CHRM3: variants seen among roughly 807,000 people sequenced by gnomAD.
CHRM3 encodes the protein cholinergic receptor muscarinic 3.
A neutral mutation model predicts 41.8 loss-of-function variants in CHRM3; 11 were observed. The ratio of observed to expected loss-of-function variants is 0.26; its 90% CI spans 0.17 to 0.44. The LOEUF is 0.44. Among genes scored for constraint, CHRM3 ranks in the 20% least tolerant of loss-of-function variants. The pLI is 1.00. For missense variants in CHRM3, 571 were observed against 745.4 expected (o/e 0.77, Z 2.72); for synonymous variants, 297 against 301.4 (o/e 0.99, Z 0.15).
At chr1:239,408,831 AGGCT>A (rs1421930240) in intron 1 of CHRM3, among the ~76,000 whole-genome samples, 1 of 149,718 alleles carries the variant, frequency 6.7e-6, no homozygotes, top group Non-Finnish European at 1.5e-5. Context: ...TGTGTTACCC[AGGCT>A]GGTCCTAAAC....
chr1:239,798,693 T>C (rs1363718437), intron 5 of CHRM3, among the ~76,000 whole-genome samples: 2 of 152,162 alleles, frequency 1.3e-5, no homozygotes, highest in Non-Finnish European at 2.9e-5. Context: ...CGGATTACTT[T>C]GTGACTCTTC....
chr1:239,492,617 A>G (rs1465519982), intron 1 of CHRM3, 92 bp from the exon 2 acceptor site: 1 of 152,068 alleles, frequency 6.6e-6, no homozygotes, highest in East Asian at 1.9e-4. Flanking sequence ...CTTCCCACAC[A>G]CTCAGCTGAG....
intron 5 of CHRM3, among the ~76,000 whole-genome samples, chr1:239,773,356 A>T (rs924460314): frequency 6.6e-6 from 1 of 152,256 alleles, no homozygotes; most frequent in Non-Finnish European, 1.5e-5. Context: ...ATACCCTATT[A>T]TTAATGACTT....
intron 5 of CHRM3, among the ~76,000 whole-genome samples, chr1:239,716,067 T>C (rs1662322052): frequency 6.6e-6 from 1 of 152,020 alleles, no homozygotes; most frequent in African/African-American, 2.4e-5. Context: ...GGGTTGAAAT[T>C]CTGGAGGAAA....
At chr1:239,648,180 C>G (rs1276839183) in intron 4 of CHRM3, among the ~76,000 whole-genome samples, 1 of 152,144 alleles carries the variant, frequency 6.6e-6, no homozygotes, top group East Asian at 1.9e-4. Context: ...CTATCCACCC[C>G]CAAGCTCATG....
At chr1:239,767,226 C>T (rs1163818109) in intron 5 of CHRM3, among the ~76,000 whole-genome samples, 1 of 152,028 alleles carries the variant, frequency 6.6e-6, no homozygotes, top group African/African-American at 2.4e-5. Context: ...ACTGTTTATA[C>T]ATGCCTAAGA....
In CHRM3 at chr1:239,631,951, G is replaced by C. The variant is rs190641537; in HGVS notation, c.-312-273G>C. Among the ~76,000 whole-genome samples, 362 of 152,276 alleles carry C rather than the reference G, an allele frequency of 2.4e-3. 2 individuals are homozygous for C. Among genetic ancestry groups the C allele is most frequent in the African/African-American group, 7.9e-3 (328 of 41,558 alleles). ...CTCCCTTCCTTGCAACTGGAGCTTAGGCAGGCAGGAGGTGAGGAGCTGTAG... is the reference window on the plus strand; with the variant it reads ...CTCCCTTCCTTGCAACTGGAGCTTACGCAGGCAGGAGGTGAGGAGCTGTAG... On this transcript the variant is annotated intron_variant, in intron 3 of 6. Transcript: ENST00000676153.
chr1:239,605,262 A>T (rs1666111032), intron 3 of CHRM3, among the ~76,000 whole-genome samples: 1 of 152,202 alleles, frequency 6.6e-6, no homozygotes. Flanking sequence ...GTTCCATAAG[A>T]TTATAACATG....
chr1:239,613,720 G>T (rs1347736432), intron 3 of CHRM3, among the ~76,000 whole-genome samples: 1 of 152,150 alleles, frequency 6.6e-6, no homozygotes, highest in Non-Finnish European at 1.5e-5. Flanking sequence ...CTGCATGTGT[G>T]TGTTTCTTAT....
intron 3 of CHRM3, among the ~76,000 whole-genome samples, chr1:239,616,938 A>G (rs1558380747): frequency 6.6e-6 from 1 of 151,768 alleles, no homozygotes; most frequent in Non-Finnish European, 1.5e-5. Flanking sequence ...GATGGTATAG[A>G]GTCTATGAAA....
intron 5 of CHRM3, among the ~76,000 whole-genome samples, chr1:239,773,267 C>T (rs1285884125): frequency 6.6e-6 from 1 of 152,054 alleles, no homozygotes; most frequent in Non-Finnish European, 1.5e-5. Flanking sequence ...CAAACCAAAG[C>T]TTTTTACATT....
At chr1:239,533,973 T>C (rs1334976128) in intron 2 of CHRM3, among the ~76,000 whole-genome samples, 1 of 151,164 alleles carries the variant, frequency 6.6e-6, no homozygotes, top group African/African-American at 2.5e-5. Flanking sequence ...GCTTAGCAGC[T>C]CTTGCTAGTT....
chr1:239,805,950 C>A (rs112831540), intron 5 of CHRM3, among the ~76,000 whole-genome samples: 3 of 152,096 alleles, frequency 2.0e-5, no homozygotes, highest in African/African-American at 7.2e-5. Context: ...AATTTCATTA[C>A]CACGTTAAAA....
chr1:239,637,649 C>T (rs1333862707), intron 4 of CHRM3, among the ~76,000 whole-genome samples: 15 of 149,274 alleles, frequency 1.0e-4, no homozygotes, highest in African/African-American at 2.9e-4. Flanking sequence ...CACACAACAC[C>T]GTGGGGTTGC....
chr1:239,412,240 C>CTT (rs535672964), intron 1 of CHRM3, among the ~76,000 whole-genome samples: 7 of 114,718 alleles, frequency 6.1e-5, no homozygotes, highest in East Asian at 5.8e-4. Flanking sequence ...CTTTCTTTTT[C>CTT]TTTTTTTTTT....
At chr1:239,688,759 A>T (rs909730730) in intron 5 of CHRM3, among the ~76,000 whole-genome samples, 1 of 137,534 alleles carries the variant, frequency 7.3e-6, no homozygotes, top group Non-Finnish European at 1.5e-5. Context: ...ATTATTCAAT[A>T]TAATATATAA....
intron 6 of CHRM3, among the ~76,000 whole-genome samples, chr1:239,890,293 G>A (rs1304085457): frequency 2.0e-5 from 3 of 151,434 alleles, no homozygotes; most frequent in Admixed American, 6.6e-5. Flanking sequence ...GTTGTGGTGA[G>A]CCGAAATCAT....
intron 4 of CHRM3, among the ~76,000 whole-genome samples, chr1:239,645,203 G>T (rs1444738518): frequency 6.6e-6 from 1 of 152,188 alleles, no homozygotes; most frequent in African/African-American, 2.4e-5. Context: ...CACCAGATGC[G>T]CTCAGCTATG....
At chr1:239,865,403 A>G (rs180706112) in intron 6 of CHRM3, among the ~76,000 whole-genome samples, 1 of 152,270 alleles carries the variant, frequency 6.6e-6, no homozygotes, top group African/African-American at 2.4e-5. Flanking sequence ...ATTTTGAACC[A>G]TAAGAATGTG....
Sources: allele counts gnomAD v4.1 joint callset (sites outside exome capture counted in the v4.1 genomes callset), GRCh38; gene constraint gnomAD v4.1.1; transcripts MANE v1.5; gene names NCBI Gene and HGNC (gene_info 2026-07-23, HGNC 2026-07-21).